Variants in CFHR5 observed in about 807,000 individuals in gnomAD.
The protein encoded by CFHR5 is complement factor H-related protein 5.
A neutral mutation model predicts 62.9 loss-of-function variants in CFHR5; 73 were observed. That is an observed-to-expected ratio of 1.16 (90% CI 0.96 to 1.41). CFHR5 has a LOEUF of 1.41. Among genes scored for constraint, CFHR5 ranks in the 40% most tolerant of loss-of-function variants. The pLI is 0.00. For synonymous variants in CFHR5, 249 were observed against 227.2 expected (o/e 1.10, Z -0.86); for missense variants, 779 against 679.9 (o/e 1.15, Z -1.62).
chr1:196,983,587 A>G (rs1653599589), intron 2 of CFHR5, among the ~76,000 whole-genome samples: 1 of 152,220 alleles, frequency 6.6e-6, no homozygotes, highest in Non-Finnish European at 1.5e-5. Context: ...ATTAAAAAAG[A>G]AAAACAATGG....
intron 6 of CFHR5, 136 bp from the exon 7 acceptor site, chr1:196,997,992 T>C (rs1214107722): frequency 1.8e-6 from 1 of 565,652 alleles, no homozygotes; most frequent in Non-Finnish European, 3.1e-6. Context: ...CCAACAGCAT[T>C]GTCTATTTTG....
Position 197,004,784 on chromosome 1 carries a change from A to G in CFHR5, c.1454A>G (p.Gln485Arg), listed in dbSNP as rs1347851281. Residue 485 changes from glutamine to arginine, a missense_variant, in exon 9 of 10, where the codon CAG becomes CGG. By Grantham distance (43) the Gln-to-Arg change is conservative. Transcript: ENST00000256785. Reference sequence around the variant, plus strand: ...CGTTGCCAGTCCTTCTATAAACTCCAGGGCTCTGTAACTGTAACATGCAGA... The same window carrying G: ...CGTTGCCAGTCCTTCTATAAACTCCGGGGCTCTGTAACTGTAACATGCAGA... The part of the protein sequence containing the change: ...TYRCQSFYKL[Q>R]GSVTVTCRNK... 1 of 1,613,676 alleles carries G rather than the reference A, an allele frequency of 6.2e-7. No individual in the cohort carries two copies. Among genetic ancestry groups the G allele is most frequent in the Non-Finnish European group, 8.5e-7 (1 of 1,179,800 alleles).
intron 1 of CFHR5, among the ~76,000 whole-genome samples, chr1:196,980,613 T>A (rs1653516392): frequency 6.6e-6 from 1 of 151,924 alleles, no homozygotes; most frequent in Non-Finnish European, 1.5e-5. Flanking sequence ...TGTGTGTGTG[T>A]GTGTGTGTGT....
At chr1:196,983,224 A>AC in intron 2 of CFHR5, 145 bp downstream of exon 2, 3 of 1,008,648 alleles carry the variant, frequency 3.0e-6, no homozygotes, top group Non-Finnish European at 4.6e-6. Flanking sequence ...CTATTTTGAG[A>AC]CCCCTCCTAT....
Position 196,996,193 on chromosome 1 carries a change from T to A in CFHR5, c.962T>A (p.Met321Lys). ...CINGIWTELPMCVATHQLKRC... is the reference protein window; with the variant it reads ...CINGIWTELPKCVATHQLKRC... ...AATGGAATATGGACAGAGCTTCCTA[T>A]GTGTGTTGGTGAGAAAACATTCCTA... The change falls in exon 6 of 10, where the codon ATG becomes AAG. Residue 321 changes from methionine (M) to lysine (K), a missense_variant. Transcript: ENST00000256785. The A allele has an allele frequency of 6.2e-7, 1 of 1,607,046 alleles. No individual in the cohort carries two copies.
At chr1:196,988,219 T>C (rs1427592809) in intron 3 of CFHR5, among the ~76,000 whole-genome samples, 1 of 152,182 alleles carries the variant, frequency 6.6e-6, no homozygotes, top group Non-Finnish European at 1.5e-5. Context: ...ACATTGATTT[T>C]GTATCCTGAG....
intron 3 of CFHR5, among the ~76,000 whole-genome samples, chr1:196,987,648 G>C (rs1239253490): frequency 6.6e-6 from 1 of 152,060 alleles, no homozygotes; most frequent in East Asian, 1.9e-4. Context: ...GTTTTTCTCA[G>C]GTTTGTCAAA....
At position 196,994,233 on chromosome 1, in the gene CFHR5, C is replaced by CA. The variant is rs765183774; in HGVS notation, c.585dup (p.Pro196ThrfsTer2). 2 of 1,613,346 alleles carry CA rather than the reference C, an allele frequency of 1.2e-6. No homozygotes were observed. Among genetic ancestry groups the CA allele is most frequent in the South Asian group, 2.2e-5 (2 of 91,000 alleles). On this transcript the variant is annotated frameshift_variant, in exon 4 of 10. Transcript: ENST00000256785. LOFTEE classifies it high-confidence loss of function. Reference sequence around the variant, plus strand: ...GTTCAATGTTACCAATTTGGGTGGTCACCTAACTTTCCAACATGCAAAGGT... The same window carrying CA: ...GTTCAATGTTACCAATTTGGGTGGTCAACCTAACTTTCCAACATGCAAAGGT...
At chr1:196,998,352 G>A in intron 7 of CFHR5, 48 bp downstream of exon 7, 2 of 1,429,116 alleles carry the variant, frequency 1.4e-6, no homozygotes, top group Non-Finnish European at 2.0e-6. Context: ...TTCTTTACAA[G>A]AAAAATTATT....
chr1:197,004,153 C>A (rs1340250594), intron 8 of CFHR5, among the ~76,000 whole-genome samples: 3 of 152,096 alleles, frequency 2.0e-5, no homozygotes, highest in African/African-American at 4.8e-5. Context: ...TCCCCAAAAT[C>A]TCTTCATTAG....
At position 196,995,759 on chromosome 1, in the gene CFHR5, G is replaced by T. The variant is rs1653973301; in HGVS notation, c.650G>T (p.Gly217Val). ...SCGPPPQLSN[G>V]EVKEIRKEEY... Reference sequence around the variant, plus strand: ...GGTCCACCTCCTCAACTCTCCAATGGTGAAGTTAAGGAGATAAGAAAAGAG... The same window carrying T: ...GGTCCACCTCCTCAACTCTCCAATGTTGAAGTTAAGGAGATAAGAAAAGAG... The change falls in exon 5 of 10, where the codon GGT (glycine) becomes GTT (valine). Residue 217 changes from glycine to valine, a missense_variant. By Grantham distance (109) the Gly-to-Val change is moderately radical. Transcript: ENST00000256785. 1 of 1,613,242 alleles carries T rather than the reference G, an allele frequency of 6.2e-7. No homozygotes were observed. Among genetic ancestry groups the T allele is most frequent in the Admixed American group, 1.7e-5 (1 of 59,958 alleles).
chr1:196,998,009 G>C, intron 6 of CFHR5, 119 bp from the exon 7 acceptor site: 2 of 647,974 alleles, frequency 3.1e-6, no homozygotes, highest in Non-Finnish European at 5.2e-6. Flanking sequence ...TTTGTGCAAT[G>C]AGATTAAGAA....
chr1:196,979,524 A>G (rs1361338074), intron 1 of CFHR5, among the ~76,000 whole-genome samples: 3 of 152,140 alleles, frequency 2.0e-5, no homozygotes, highest in Admixed American at 1.3e-4. Flanking sequence ...CTAAACATAT[A>G]AAAGGTACAA....
intron 1 of CFHR5, 89 bp from the exon 2 acceptor site, chr1:196,982,796 A>G (rs1420133042): frequency 2.5e-5 from 32 of 1,279,502 alleles, no homozygotes; most frequent in Non-Finnish European, 3.6e-5. Context: ...TGAAAAACAA[A>G]ACTATAAATG....
chr1:197,005,617 G>A (rs150576604), intron 9 of CFHR5, among the ~76,000 whole-genome samples: 31 of 152,196 alleles, frequency 2.0e-4, no homozygotes, highest in African/African-American at 7.0e-4. Context: ...AAGCATGAAC[G>A]TCAGTTTACT....
intron 5 of CFHR5, 61 bp from the exon 6 acceptor site, chr1:196,995,961 C>T (rs1653979810): frequency 7.6e-6 from 12 of 1,589,352 alleles, no homozygotes; most frequent in Non-Finnish European, 1.0e-5. Context: ...TATATAAATA[C>T]ACATGTAAAC....
intron 9 of CFHR5, among the ~76,000 whole-genome samples, chr1:197,007,644 T>G (rs192470558): frequency 6.7e-6 from 1 of 148,968 alleles, no homozygotes; most frequent in Admixed American, 6.7e-5. Flanking sequence ...TTAACATATA[T>G]GTATACACAT....
chr1:196,978,526 G>A (rs1653455742), intron 1 of CFHR5, among the ~76,000 whole-genome samples: 1 of 152,066 alleles, frequency 6.6e-6, no homozygotes, highest in Non-Finnish European at 1.5e-5. Context: ...CTGCTTTACT[G>A]CTTTCTAATG....
At chr1:196,995,608 A>T in intron 4 of CFHR5, 109 bp from the exon 5 acceptor site, 1 of 880,176 alleles carries the variant, frequency 1.1e-6, no homozygotes, top group Non-Finnish European at 1.9e-6. Context: ...CCCCAAAAAT[A>T]GAAGTGCAAT....
Sources: gnomAD v4.1 joint callset for allele counts (sites outside exome capture counted in the v4.1 genomes callset) on GRCh38, gnomAD v4.1.1 for gene constraint, MANE v1.5 for transcripts, NCBI Gene and HGNC (gene_info 2026-07-23, HGNC 2026-07-21) for gene names.